The following POC1B variants were observed in gnomAD, a reference collection of about 807,000 sequenced individuals.
The protein encoded by POC1B is POC1 centriolar protein homolog B.
In POC1B, 44 loss-of-function variants were observed where a neutral mutation model predicts 60.6. That is an observed-to-expected ratio of 0.73 (90% confidence interval 0.57 to 0.93). The LOEUF (loss-of-function observed/expected upper bound fraction) is 0.93, where lower values mean the gene tolerates loss of function less well. Ranked by LOEUF, POC1B falls within the 40% of genes least tolerant of loss-of-function variation. The pLI, the probability that POC1B is intolerant of heterozygous loss-of-function variation, is 0.00. For synonymous variants in POC1B, 180 were observed against 198.9 expected (o/e 0.90, Z 0.80); for missense variants, 555 against 572.3 (o/e 0.97, Z 0.31).
chr12:89,497,151 T>C lies in POC1B; in HGVS notation c.272+20A>G, dbSNP rs113128107. ...ATTTCCAAATCCAAAGGATATCAAG[T>C]GTTTCTTTGTTTCTCTTACTTATCA... On this transcript the variant is annotated intron_variant, in intron 3 of 11. Transcript: ENST00000313546. 6 of 1,606,730 alleles carry C rather than the reference T, an allele frequency of 3.7e-6. No homozygotes were observed. In the African/African-American group the frequency reaches 4.0e-5, roughly 11 times the overall value.
At chr12:89,423,702 AGT>A (rs1880639958) in intron 11 of POC1B, among the ~76,000 whole-genome samples, 2 of 152,172 alleles carry the variant, frequency 1.3e-5, no homozygotes, top group Non-Finnish European at 2.9e-5. Context: ...CCCTTTTGCA[AGT>A]GTGTTGTGCC....
Position 89,525,966 on chromosome 12 carries a change from G to T in POC1B, c.-71C>A. 2.6e-6 allele frequency: 4 copies of T among 1,545,040 alleles called. No individual in the cohort carries two copies. Among genetic ancestry groups the T allele is most frequent in the Non-Finnish European group, 3.5e-6 (4 of 1,144,754 alleles). ...AGAGGGGAGGGGAGAGGATGGGGAA[G>T]GAGAGGGGACCGTGCGGCTCCCGGA... On this transcript the variant is annotated 5_prime_UTR_variant, in exon 1 of 12. Transcript: ENST00000313546.
At chr12:89,445,144 A>T (rs557275550) in intron 10 of POC1B, among the ~76,000 whole-genome samples, 1 of 152,212 alleles carries the variant, frequency 6.6e-6, no homozygotes, top group Non-Finnish European at 1.5e-5. Context: ...ATGCTCACGG[A>T]TAGGAAGAAT....
chr12:89,513,533 C>G (rs1012469079), intron 2 of POC1B, among the ~76,000 whole-genome samples: 1 of 152,208 alleles, frequency 6.6e-6, no homozygotes, highest in Admixed American at 6.5e-5. Context: ...TCTGCAAACC[C>G]TGTGAAAATA....
At chr12:89,480,756 T>G (rs1016958461) in intron 4 of POC1B, among the ~76,000 whole-genome samples, 1 of 151,932 alleles carries the variant, frequency 6.6e-6, no homozygotes, top group African/African-American at 2.4e-5. Context: ...GCCCGCCACC[T>G]CACCCGGCTA....
At chr12:89,452,942 G>A (rs1355290704) in intron 10 of POC1B, among the ~76,000 whole-genome samples, 3 of 152,140 alleles carry the variant, frequency 2.0e-5, no homozygotes, top group Non-Finnish European at 2.9e-5. Context: ...TATGGGTCAT[G>A]AAGTACTTCA....
chr12:89,455,574 T>A (rs554481538), intron 10 of POC1B, among the ~76,000 whole-genome samples: 2 of 152,362 alleles, frequency 1.3e-5, no homozygotes, highest in East Asian at 3.9e-4. Context: ...CAGCTTGGTA[T>A]CTCCCTCAGC....
intron 2 of POC1B, chr12:89,522,057 C>G (rs377561749): frequency 5.0e-6 from 2 of 399,036 alleles, no homozygotes; most frequent in African/African-American, 4.1e-5. Context: ...ATGCCCTACA[C>G]ACACAAACAC....
intron 9 of POC1B, chr12:89,461,225 G>A (rs1329042940): frequency 6.6e-6 from 1 of 152,178 alleles, no homozygotes; most frequent in East Asian, 1.9e-4. Context: ...TGTGACCTGT[G>A]GGCTGGACAA....
rs1871021152 is a variant in POC1B, at chr12:89,522,984, C to A, written c.100+2136G>T. On this transcript the variant is annotated intron_variant, in intron 2 of 11. Coordinates refer to ENST00000313546, the MANE Select transcript of POC1B (RefSeq NM_172240.3). ...AAATAATGTTTGCTGGTACAGGGAA[C>A]CCATCTTTGGGACAATTTTGCATTC... 3.1e-6 allele frequency: 5 copies of A among 1,613,858 alleles called. No individual in the cohort carries two copies. In the Admixed American group the frequency reaches 5.0e-5, roughly 16 times the overall value.
intron 2 of POC1B, chr12:89,519,834 G>A (rs1460278427): frequency 1.3e-5 from 2 of 152,280 alleles, no homozygotes; most frequent in Admixed American, 6.5e-5. Flanking sequence ...TGCCTATTTA[G>A]ATAGTCAACC....
At chr12:89,466,372 A>AT (rs966792231) in intron 9 of POC1B, among the ~76,000 whole-genome samples, 42 of 151,626 alleles carry the variant, frequency 2.8e-4, no homozygotes, top group East Asian at 7.7e-4. Context: ...TGTCCATAAG[A>AT]TTTTTTTTTG....
intron 3 of POC1B, among the ~76,000 whole-genome samples, chr12:89,494,386 G>C (rs564998069): frequency 1.9e-4 from 29 of 152,118 alleles, no homozygotes; most frequent in African/African-American, 6.7e-4. Flanking sequence ...GTCACCAGCT[G>C]TGGTGTCTAT....
intron 2 of POC1B, chr12:89,502,201 A>G (rs1273173586): frequency 5.2e-6 from 6 of 1,158,260 alleles, no homozygotes; most frequent in Non-Finnish European, 7.7e-6. Flanking sequence ...TGGAAAGAAT[A>G]ATAATGATGT....
intron 10 of POC1B, among the ~76,000 whole-genome samples, chr12:89,452,059 T>C (rs1002718624): frequency 6.6e-6 from 1 of 152,140 alleles, no homozygotes; most frequent in African/African-American, 2.4e-5. Flanking sequence ...TTCCTCAGGG[T>C]GCATTTCTTC....
At chr12:89,435,531 T>C (rs1881219814) in intron 10 of POC1B, among the ~76,000 whole-genome samples, 1 of 152,152 alleles carries the variant, frequency 6.6e-6, no homozygotes, top group Non-Finnish European at 1.5e-5. Context: ...TCCTTCATCA[T>C]AAATAACAAA....
At chr12:89,439,380 G>A (rs1030119211) in intron 10 of POC1B, among the ~76,000 whole-genome samples, 2 of 152,032 alleles carry the variant, frequency 1.3e-5, no homozygotes, top group African/African-American at 2.4e-5. Context: ...GAACATTCCA[G>A]TTCTCCCAAC....
the POC1B span, among the ~76,000 whole-genome samples, chr12:89,407,418 G>T: frequency 6.6e-6 from 1 of 151,746 alleles, no homozygotes; most frequent in Admixed American, 6.6e-5. Flanking sequence ...TGTATTTTTA[G>T]TAGAGACGGG....
intron 4 of POC1B, among the ~76,000 whole-genome samples, chr12:89,476,466 T>C (rs1432984667): frequency 6.6e-6 from 1 of 152,180 alleles, no homozygotes; most frequent in Middle Eastern, 3.2e-3. Context: ...CCCAGCACTC[T>C]GGGAGGCTGA....
Sources: gnomAD v4.1 joint callset for allele counts (sites outside exome capture counted in the v4.1 genomes callset) on GRCh38, gnomAD v4.1.1 for gene constraint, MANE v1.5 for transcripts, NCBI Gene and HGNC (gene_info 2026-07-23, HGNC 2026-07-21) for gene names.